CHIC2: variants seen among roughly 807,000 people sequenced by gnomAD.
The protein encoded by CHIC2 is cysteine rich hydrophobic domain 2.
Under a neutral mutation model 25.9 loss-of-function variants are expected in CHIC2, and 14 were observed. The ratio of observed to expected loss-of-function variants is 0.54; its 90% CI spans 0.36 to 0.85. The LOEUF (loss-of-function observed/expected upper bound fraction) is 0.85. CHIC2 is among the 40% of genes least tolerant of loss of function. The pLI is 0.01. For missense variants in CHIC2, 146 were observed against 202.0 expected (o/e 0.72, Z 1.68); for synonymous variants, 70 against 72.0 (o/e 0.97, Z 0.14).
chr4:54,068,382 A>G (rs1052212735), upstream of CHIC2, among the ~76,000 whole-genome samples: 3 of 152,094 alleles, frequency 2.0e-5, no homozygotes, highest in Non-Finnish European at 4.4e-5. Flanking sequence ...TGCCCCTTCC[A>G]CTATCTTAGA....
the CHIC2 span, among the ~76,000 whole-genome samples, chr4:54,079,779 T>TA: frequency 0.12 from 17,732 of 149,138 alleles, 1,127 homozygotes; most frequent in Non-Finnish European, 0.15. Context: ...GTCTCAGAAA[T>TA]AAAAAAAAAC....
chr4:54,070,002 A>G, the CHIC2 span, among the ~76,000 whole-genome samples: 6 of 152,254 alleles, frequency 3.9e-5, no homozygotes, highest in Admixed American at 1.3e-4. Flanking sequence ...GTGGAGAAGC[A>G]CAGGGGTCCA....
chr4:54,072,573 A>G, the CHIC2 span, among the ~76,000 whole-genome samples: 2 of 152,330 alleles, frequency 1.3e-5, no homozygotes, highest in Admixed American at 6.5e-5. Context: ...TTGAGCATAT[A>G]CAAAAATATT....
At chr4:54,059,610 A>G (rs1717272665) in intron 1 of CHIC2, 1 of 151,982 alleles carries the variant, frequency 6.6e-6, no homozygotes. Context: ...CCTTAATTTG[A>G]TAATTTCCTC....
At chr4:54,010,500 G>A (rs1715551423) in intron 5 of CHIC2, among the ~76,000 whole-genome samples, 1 of 152,090 alleles carries the variant, frequency 6.6e-6, no homozygotes, top group South Asian at 2.1e-4. Context: ...AAAGAGGCTA[G>A]TATTTACTTA....
chr4:54,045,498 C>G (rs1303001223), intron 3 of CHIC2, among the ~76,000 whole-genome samples: 1 of 151,752 alleles, frequency 6.6e-6, no homozygotes, highest in Admixed American at 6.6e-5. Flanking sequence ...GTTCAACATA[C>G]GAAAATCAAT....
At chr4:54,079,890 G>A in the CHIC2 span, among the ~76,000 whole-genome samples, 5 of 152,154 alleles carry the variant, frequency 3.3e-5, no homozygotes, top group East Asian at 7.7e-4. Flanking sequence ...CTTATACACT[G>A]TTGGAGGAAA....
chr4:54,064,564 G>T lies in CHIC2; in HGVS notation c.-264C>A, dbSNP rs771066012. On this transcript the variant is annotated 5_prime_UTR_variant, in exon 1 of 6. In the 5' UTR this introduces an upstream ATG that the reference lacks. Transcript: ENST00000263921. The surrounding 1 kb of genome is among the most constrained non-coding windows in gnomAD (Gnocchi z 4.2). ...AGAGGCCGACACCTCCACAAGCACA[G>T]ACGCCGCTGCCGCCGCCGCAGCAGC... is the stretch of plus-strand genomic sequence containing the variant. The T allele has an allele frequency of 1.6e-6, 2 of 1,287,908 alleles. No homozygotes were observed. Among genetic ancestry groups the T allele is most frequent in the East Asian group, 3.6e-5 (1 of 27,446 alleles). The allele number at this position is 1,287,908 out of a possible 1,614,324, so 79.8% of individuals were successfully genotyped here. A position where few individuals can be genotyped will look rare whatever the true frequency, so the allele number is the denominator to read the frequency against.
rs190335729 is a variant in CHIC2 at position 54,019,007 on chromosome 4, T to A, written c.331-4888A>T. 3.3e-5 allele frequency among the ~76,000 whole-genome samples: 5 copies of A among 152,012 alleles called. No individual in the cohort carries two copies. In the East Asian group the frequency reaches 7.7e-4, roughly 23 times the overall value. ...TAAGAATGCTATTCATCTTTAGACA[T>A]CTGTGTAAATTGAATTTGTTAAGTA... On this transcript the variant is annotated intron_variant, in intron 3 of 5. Transcript: ENST00000263921.
chr4:54,018,694 A>G (rs1577963374), intron 3 of CHIC2, among the ~76,000 whole-genome samples: 1 of 152,242 alleles, frequency 6.6e-6, no homozygotes, highest in East Asian at 1.9e-4. Context: ...ATATTTCCCA[A>G]TAAAATAGTA....
the CHIC2 span, among the ~76,000 whole-genome samples, chr4:54,075,853 A>C: frequency 2.0e-5 from 3 of 152,172 alleles, no homozygotes; most frequent in Admixed American, 6.5e-5. Flanking sequence ...GGCCATATTT[A>C]TATCAGTATT....
chr4:54,034,924 TGA>T (rs1211157923), intron 3 of CHIC2, among the ~76,000 whole-genome samples: 1 of 152,198 alleles, frequency 6.6e-6, no homozygotes, highest in Non-Finnish European at 1.5e-5. Context: ...TATTAGGCTG[TGA>T]GAGTGTTAAT....
intron 3 of CHIC2, among the ~76,000 whole-genome samples, chr4:54,023,883 G>C (rs951721113): frequency 6.6e-6 from 1 of 152,182 alleles, no homozygotes; most frequent in African/African-American, 2.4e-5. Context: ...CACCGTGCAA[G>C]GGTCCTCCAT....
chr4:54,049,764 G>C (rs1716945822), intron 1 of CHIC2, among the ~76,000 whole-genome samples: 1 of 151,886 alleles, frequency 6.6e-6, no homozygotes, highest in Non-Finnish European at 1.5e-5. Context: ...AGTGAGGAGG[G>C]GAAGAATAAG....
chr4:54,014,384 T>C (rs536384613), intron 3 of CHIC2, among the ~76,000 whole-genome samples: 1 of 152,314 alleles, frequency 6.6e-6, no homozygotes, highest in South Asian at 2.1e-4. Context: ...AAAAAGCTAA[T>C]GTCATCTGCC....
Position 54,064,400 on chromosome 4 carries a change from G to A in CHIC2, c.-100C>T, listed in dbSNP as rs1717443418. 1 of 1,549,592 alleles carries A rather than the reference G, an allele frequency of 6.5e-7. No homozygotes were observed. The highest frequency in any genetic ancestry group is 8.7e-7 in the Non-Finnish European group (1 of 1,150,164). On this transcript the variant is annotated 5_prime_UTR_variant, in exon 1 of 6. Transcript: ENST00000263921. This position sits in a 1 kb window ranked among gnomAD's most constrained non-coding sequence, Gnocchi z 4.2. The stretch of plus-strand genomic sequence containing the variant: ...GCGGAGGCTGAGGGGAGTCGCCGCT[G>A]CCGCCGGCTCCGAGGCCGCGGAGTT...
In CHIC2 at chr4:54,047,632, C is replaced by T. The variant is rs185254610; in HGVS notation, c.330+1323G>A. ...CATGGACACAGGAAGGGGAACACCA[C>T]ACACCGGGGACTGTTGTGGGGTGGG... is the stretch of plus-strand genomic sequence containing the variant. On this transcript the variant is annotated intron_variant, in intron 3 of 5. Transcript: ENST00000263921. Among the ~76,000 whole-genome samples the T allele has an allele frequency of 3.0e-3, 404 of 132,926 alleles. 3 individuals carry two copies. Among genetic ancestry groups the T allele is most frequent in the African/African-American group, 0.011 (381 of 34,408 alleles). The allele number at this position is 132,926 out of a possible 152,430, so 87.2% of individuals were successfully genotyped here. A position where few individuals can be genotyped will look rare whatever the true frequency, so the allele number is the denominator to read the frequency against.
intron 3 of CHIC2, among the ~76,000 whole-genome samples, chr4:54,015,128 G>T (rs1000513281): frequency 1.3e-5 from 2 of 152,024 alleles, no homozygotes; most frequent in Non-Finnish European, 2.9e-5. Context: ...ACTTTAAATA[G>T]TTACATTACC....
the CHIC2 span, among the ~76,000 whole-genome samples, chr4:54,090,035 G>A: frequency 6.6e-6 from 1 of 152,096 alleles, no homozygotes; most frequent in Non-Finnish European, 1.5e-5. Context: ...TTTGTGTTTA[G>A]ACTAGGGTCC....
Sources: allele counts gnomAD v4.1 joint callset (sites outside exome capture counted in the v4.1 genomes callset), GRCh38; gene constraint gnomAD v4.1.1; non-coding constraint Gnocchi (gnomAD v3.1); transcripts MANE v1.5; gene names NCBI Gene and HGNC (gene_info 2026-07-23, HGNC 2026-07-21).